ABCB5: variants seen among roughly 807,000 people sequenced by gnomAD.
The protein encoded by ABCB5 is ATP-binding cassette sub-family B member 5.
A neutral mutation model predicts 144.2 loss-of-function variants in ABCB5; 155 were observed. The observed-to-expected ratio is 1.08, with a 90% CI of 0.94 to 1.23. The LOEUF (loss-of-function observed/expected upper bound fraction) is 1.23, where lower values mean the gene tolerates loss of function less well. Among genes scored for constraint, ABCB5 ranks in the 50% most tolerant of loss-of-function variants. The pLI is 0.00. For synonymous variants in ABCB5, 610 were observed against 528.6 expected (o/e 1.15, Z -2.11); for missense variants, 1,830 against 1,520.8 (o/e 1.20, Z -3.38).
intron 20 of ABCB5, among the ~76,000 whole-genome samples, chr7:20,710,872 TG>T (rs1583441943): frequency 6.7e-6 from 1 of 150,198 alleles, no homozygotes; most frequent in Non-Finnish European, 1.5e-5. Flanking sequence ...TGCCTTCTTT[TG>T]GATTAAAATT....
intron 20 of ABCB5, among the ~76,000 whole-genome samples, chr7:20,722,455 G>T (rs1173764488): frequency 6.6e-6 from 1 of 152,148 alleles, no homozygotes; most frequent in African/African-American, 2.4e-5. Context: ...CAGATTGTCT[G>T]TTCCTATCAT....
intron 12 of ABCB5, among the ~76,000 whole-genome samples, chr7:20,650,940 T>C (rs1056778531): frequency 2.0e-5 from 3 of 152,306 alleles, no homozygotes; most frequent in East Asian, 1.9e-4. Context: ...GTTGGGGTAA[T>C]TGGCAATGGC....
intron 1 of ABCB5, among the ~76,000 whole-genome samples, chr7:20,616,765 C>G (rs1474611697): frequency 6.6e-6 from 1 of 152,144 alleles, no homozygotes; most frequent in Non-Finnish European, 1.5e-5. Context: ...ATTTATCTTC[C>G]TTTTGAAACA....
At chr7:20,659,767 T>A in intron 14 of ABCB5, 1 of 985,426 alleles carries the variant, frequency 1.0e-6, no homozygotes, top group Non-Finnish European at 1.2e-6. Context: ...GAGTGCAACC[T>A]CTGCCCACTG....
At chr7:20,626,758 GA>G in intron 3 of ABCB5, 147 bp downstream of exon 3, 1 of 697,272 alleles carries the variant, frequency 1.4e-6, no homozygotes, top group Non-Finnish European at 2.2e-6. Flanking sequence ...ATTTTCGATA[GA>G]AAAAATATAA....
intron 24 of ABCB5, among the ~76,000 whole-genome samples, chr7:20,742,589 A>C (rs867648405): frequency 1.4e-4 from 21 of 152,340 alleles, no homozygotes; most frequent in Non-Finnish European, 1.6e-4. Flanking sequence ...CAAACAACCA[A>C]CTGCGGAATG....
At position 20,685,609 on chromosome 7, in the gene ABCB5, G is replaced by C. The variant is rs905594510; in HGVS notation, c.1870-87G>C. 9.0e-6 allele frequency: 11 copies of C among 1,225,540 alleles called. No individual in the cohort carries two copies. The African/African-American group carries it at 1.7e-4, about 19-fold the overall frequency. 75.9% of individuals were successfully genotyped at this position (1,225,540 alleles called of 1,614,324 possible). ...ATATGCCACTTTCAATAGCAAAGGC[G>C]ATAACAGCTTTAAAGAGATGCTTAA... On this transcript the variant is annotated intron_variant, in intron 15 of 27. Transcript: ENST00000404938.
In ABCB5 at chr7:20,643,655, T is replaced by C. The variant is rs945693822; in HGVS notation, c.678+23T>C. ...AGGGTAAGTGAGATGGCTAATGCAATATTGAATGGAAGCAGCAGTGTGGAC... is the reference window on the plus strand; with the variant it reads ...AGGGTAAGTGAGATGGCTAATGCAACATTGAATGGAAGCAGCAGTGTGGAC... On this transcript the variant is annotated intron_variant, in intron 7 of 27. Coordinates refer to ENST00000404938, the MANE Select transcript of ABCB5 (RefSeq NM_001163941.2). 4.3e-6 allele frequency: 7 copies of C among 1,611,728 alleles called. No individual in the cohort carries two copies. The Admixed American group carries it at 5.0e-5, about 12-fold the overall frequency.
chr7:20,646,204 T>C (rs927943829), intron 9 of ABCB5, 66 bp downstream of exon 9: 1 of 1,469,634 alleles, frequency 6.8e-7, no homozygotes, highest in African/African-American at 1.4e-5. Flanking sequence ...TTAGCCAAAA[T>C]TCCTCTTTGA....
At chr7:20,717,690 G>A (rs1452992759) in intron 20 of ABCB5, among the ~76,000 whole-genome samples, 3 of 151,708 alleles carry the variant, frequency 2.0e-5, no homozygotes, top group Non-Finnish European at 4.4e-5. Flanking sequence ...GCCCGCCTCG[G>A]CCTCCCAAAG....
At chr7:20,753,912 G>A (rs985618847) in intron 27 of ABCB5, among the ~76,000 whole-genome samples, 5 of 152,310 alleles carry the variant, frequency 3.3e-5, no homozygotes, top group East Asian at 1.9e-4. Flanking sequence ...GAGCCTGAGA[G>A]TTATTCTACC....
At chr7:20,629,145 CGTGTGTGTGT>C (rs149986314) in intron 4 of ABCB5, among the ~76,000 whole-genome samples, 21 of 135,058 alleles carry the variant, frequency 1.6e-4, no homozygotes, top group African/African-American at 3.4e-4. Flanking sequence ...AGAGAGACTG[CGTGTGTGTGT>C]GTGTGTGTGT....
At chr7:20,711,580 G>C (rs1787034891) in intron 20 of ABCB5, among the ~76,000 whole-genome samples, 1 of 147,716 alleles carries the variant, frequency 6.8e-6, no homozygotes, top group African/African-American at 2.5e-5. Flanking sequence ...TCCCACTTCA[G>C]CCTCCTGAGT....
intron 22 of ABCB5, 83 bp from the exon 23 acceptor site, chr7:20,728,232 C>T: frequency 7.1e-7 from 1 of 1,414,094 alleles, no homozygotes; most frequent in Non-Finnish European, 9.4e-7. Flanking sequence ...TTTCAAAGTC[C>T]TCTCTATTTA....
chr7:20,661,513 C>CT (rs1441732869), intron 14 of ABCB5, among the ~76,000 whole-genome samples: 1 of 147,800 alleles, frequency 6.8e-6, no homozygotes, highest in African/African-American at 2.5e-5. Context: ...CAGAAATATT[C>CT]TTTTTTGCTT....
chr7:20,728,579 C>A (rs975929522), intron 23 of ABCB5, 124 bp downstream of exon 23: 1 of 1,127,288 alleles, frequency 8.9e-7, no homozygotes, highest in Non-Finnish European at 1.2e-6. Context: ...CATAATAAAA[C>A]CCCATCTCTA....
In ABCB5 at chr7:20,740,174, A is replaced by G. The variant is rs544848593; in HGVS notation, c.3024+1035A>G. ...AGAATCGCTTGAACCCGGGAGGCGG[A>G]GGTTGCAGTGAGCCGAGATCACGCC... On this transcript the variant is annotated intron_variant, in intron 24 of 27. Coordinates refer to ENST00000404938, the MANE Select transcript of ABCB5 (RefSeq NM_001163941.2). Among the ~76,000 whole-genome samples the G allele has an allele frequency of 3.4e-3, 522 of 152,340 alleles. 2 individuals carry two copies. The highest frequency in any genetic ancestry group is 0.012 in the African/African-American group (489 of 41,580).
In ABCB5 at chr7:20,643,212, G is replaced by A. The variant is rs754685763; in HGVS notation, c.343G>A (p.Val115Ile). The change falls in exon 6 of 28, where the codon GTT becomes ATT. Residue 115 changes from valine to isoleucine, a missense_variant. Transcript: ENST00000404938. ...GACCCTGTATTATGTTGGAATAGGTGTTGCTGCCTTGATTTTTGGTTACAT... is the reference window on the plus strand; with the variant it reads ...GACCCTGTATTATGTTGGAATAGGTATTGCTGCCTTGATTTTTGGTTACAT... ...LLTLYYVGIG[V>I]AALIFGYIQI... 16 of 1,612,644 alleles carry A rather than the reference G, an allele frequency of 9.9e-6. No homozygotes were observed. In the South Asian group the frequency reaches 1.8e-4, roughly 18 times the overall value.
At chr7:20,713,159 G>C (rs1309115562) in intron 20 of ABCB5, among the ~76,000 whole-genome samples, 2 of 148,812 alleles carry the variant, frequency 1.3e-5, no homozygotes, top group Non-Finnish European at 3.0e-5. Flanking sequence ...CTAACATTTT[G>C]TCAATTCTGG....
Sources: gnomAD v4.1 joint callset for allele counts (sites outside exome capture counted in the v4.1 genomes callset) on GRCh38, gnomAD v4.1.1 for gene constraint, MANE v1.5 for transcripts, NCBI Gene and HGNC (gene_info 2026-07-23, HGNC 2026-07-21) for gene names.